The following RUBCN variants were observed in gnomAD, a reference collection of about 807,000 sequenced individuals.
RUBCN encodes rubicon autophagy regulator, also known as run domain Beclin-1-interacting and cysteine-rich domain-containing protein.
In RUBCN, 74 loss-of-function variants were observed where a neutral mutation model predicts 113.2. The ratio of observed to expected loss-of-function variants is 0.65; its 90% CI spans 0.54 to 0.79. RUBCN has a LOEUF of 0.79. Ranked by LOEUF, RUBCN falls within the 30% of genes least tolerant of loss-of-function variation. The pLI is 0.00. For missense variants in RUBCN, 1,109 were observed against 1,251.7 expected (o/e 0.89, Z 1.72); for synonymous variants, 480 against 490.0 (o/e 0.98, Z 0.27).
chr3:197,695,556 G>A (rs1036821279), intron 9 of RUBCN, among the ~76,000 whole-genome samples: 5 of 152,260 alleles, frequency 3.3e-5, no homozygotes, highest in East Asian at 1.9e-4. Flanking sequence ...AGCCATGACC[G>A]TGACACTGCA....
In RUBCN at chr3:197,701,661, C is replaced by T. The variant is rs777227637; in HGVS notation, c.727+47G>A. 2.0e-5 allele frequency: 32 copies of T among 1,586,542 alleles called. No individual in the cohort carries two copies. In the Admixed American group the frequency reaches 5.4e-4, roughly 27 times the overall value. On this transcript the variant is annotated intron_variant, in intron 6 of 19. Coordinates refer to ENST00000296343, the MANE Select transcript of RUBCN (RefSeq NM_014687.4). ...AGCAACCACAAAGTCTTCTTACTTT[C>T]CAGGGCTGGGGATAAATGTAATGAC... is the stretch of plus-strand genomic sequence containing the variant.
intron 11 of RUBCN, among the ~76,000 whole-genome samples, chr3:197,689,389 G>T (rs1722182819): frequency 6.6e-6 from 1 of 152,144 alleles, no homozygotes; most frequent in Non-Finnish European, 1.5e-5. Context: ...AACCTGTCAT[G>T]TGTATAAAAA....
intron 16 of RUBCN, among the ~76,000 whole-genome samples, chr3:197,680,367 T>G (rs1462776358): frequency 6.8e-6 from 1 of 147,308 alleles, no homozygotes; most frequent in Non-Finnish European, 1.5e-5. Flanking sequence ...AACTGACAAC[T>G]GGCTCCAGAC....
In RUBCN at chr3:197,694,325, G is replaced by T. The variant is rs371970714; in HGVS notation, c.1684+50C>A. ...CACTGGTTTGGGCACCAGGCCTTAT[G>T]CTGAAGTTGGGAAAATGTGGGAACA... On this transcript the variant is annotated intron_variant, in intron 10 of 19. Coordinates refer to ENST00000296343, the MANE Select transcript of RUBCN (RefSeq NM_014687.4). 5.2e-6 allele frequency: 8 copies of T among 1,539,960 alleles called. No individual in the cohort carries two copies. The African/African-American group carries it at 1.1e-4, about 21-fold the overall frequency.
chr3:197,677,591 G>A (rs542670997), intron 16 of RUBCN, 50 bp from the exon 17 acceptor site: 2 of 1,567,886 alleles, frequency 1.3e-6, no homozygotes, highest in East Asian at 2.2e-5. Context: ...GTGAGAAGAG[G>A]AATCCAGTGT....
chr3:197,736,336 T>A (rs574680983), intron 1 of RUBCN, among the ~76,000 whole-genome samples: 1 of 152,216 alleles, frequency 6.6e-6, no homozygotes, highest in South Asian at 2.1e-4. Flanking sequence ...AAAACCTCAC[T>A]GCACCCCTCT....
chr3:197,744,556 A>C (rs1223626293), intron 1 of RUBCN, among the ~76,000 whole-genome samples: 2 of 152,242 alleles, frequency 1.3e-5, no homozygotes, highest in African/African-American at 4.8e-5. Flanking sequence ...CTTAATGTTG[A>C]AAGACTGAAC....
chr3:197,739,415 C>A (rs1354658844), upstream of RUBCN, among the ~76,000 whole-genome samples: 2 of 145,962 alleles, frequency 1.4e-5, no homozygotes, highest in African/African-American at 5.0e-5. Context: ...AAAAAAAGGC[C>A]GGGCGTGGTG....
chr3:197,670,108 C>T lies in RUBCN; in HGVS notation c.*4910G>A, dbSNP rs752648391. Among the ~76,000 whole-genome samples, 1 of 152,136 alleles carries T rather than the reference C, an allele frequency of 6.6e-6. No homozygotes were observed. The highest frequency in any genetic ancestry group is 2.4e-5 in the African/African-American group (1 of 41,432). ...TTCACCATGTTGGCCAGGATGGTCC[C>T]AATCTCTTGACCTCGTGATCCGCCC... On this transcript the variant is annotated 3_prime_UTR_variant, in exon 20 of 20. Transcript: ENST00000296343.
Position 197,670,958 on chromosome 3 carries a change from G to A in RUBCN, c.*4060C>T, listed in dbSNP as rs1388416095. On this transcript the variant is annotated 3_prime_UTR_variant, in exon 20 of 20. Transcript: ENST00000296343. The stretch of plus-strand genomic sequence containing the variant: ...CAGAGACTTGGTGAGCACTAAGAGG[G>A]GAGGTAGAGGTGGTCACAATCCCGC... Among the ~76,000 whole-genome samples, 1 of 152,202 alleles carries A rather than the reference G, an allele frequency of 6.6e-6. No homozygotes were observed. The highest frequency in any genetic ancestry group is 1.5e-5 in the Non-Finnish European group (1 of 68,046).
rs192901649 is a variant in RUBCN, at chr3:197,719,947, T to G, written c.66-1817A>C. Among the ~76,000 whole-genome samples the G allele has an allele frequency of 7.9e-5, 12 of 152,302 alleles. No homozygotes were observed. The East Asian group carries it at 2.3e-3, about 29-fold the overall frequency. ...CCTGTGATGAGAACATTCAAAAACC[T>G]CTCTTCCAGCTATTCTGAACTACAC... On this transcript the variant is annotated intron_variant, in intron 1 of 19. Coordinates refer to ENST00000296343, the MANE Select transcript of RUBCN (RefSeq NM_014687.4).
chr3:197,741,677 G>A (rs1429954651), upstream of RUBCN, among the ~76,000 whole-genome samples: 1 of 151,726 alleles, frequency 6.6e-6, no homozygotes, highest in Non-Finnish European at 1.5e-5. Context: ...CTAAAAATTC[G>A]CCAGGCATGG....
Position 197,688,641 on chromosome 3 carries a change from T to A in RUBCN, c.1787-4424A>T, listed in dbSNP as rs569001832. On this transcript the variant is annotated intron_variant, in intron 11 of 19. Transcript: ENST00000296343. ...TTGATGCAGCTATAATAGAAGAAGATGGAGATGGGGAAAAAAATAGCAACA... is the reference window on the plus strand; with the variant it reads ...TTGATGCAGCTATAATAGAAGAAGAAGGAGATGGGGAAAAAAATAGCAACA... Among the ~76,000 whole-genome samples, 3 of 152,158 alleles carry A rather than the reference T, an allele frequency of 2.0e-5. No homozygotes were observed. In the South Asian group the frequency reaches 6.2e-4, roughly 32 times the overall value.
chr3:197,677,471 AG>A lies in RUBCN; in HGVS notation c.2492+8del. The A allele has an allele frequency of 6.2e-7, 1 of 1,613,016 alleles. No homozygotes were observed. The highest frequency in any genetic ancestry group is 8.5e-7 in the Non-Finnish European group (1 of 1,178,944). The stretch of plus-strand genomic sequence containing the variant: ...GTGGCCAGAGGGCTCTAGCTCCAAA[AG>A]GACTTACTCCTTGGCCAGTCGGCAA... On this transcript the variant is annotated splice_region_variant and intron_variant, in intron 17 of 19. Transcript: ENST00000296343.
At chr3:197,728,860 A>G (rs1358205166) in intron 1 of RUBCN, among the ~76,000 whole-genome samples, 1 of 152,208 alleles carries the variant, frequency 6.6e-6, no homozygotes, top group East Asian at 1.9e-4. Flanking sequence ...CCAGGCAAAG[A>G]GGGAGGTATT....
chr3:197,748,823 T>C (rs1728873598), intron 1 of RUBCN, among the ~76,000 whole-genome samples: 1 of 152,214 alleles, frequency 6.6e-6, no homozygotes, highest in South Asian at 2.1e-4. Flanking sequence ...AAATGTGTCA[T>C]TGGTGTTGAA....
chr3:197,707,858 G>C (rs953745411), intron 2 of RUBCN, among the ~76,000 whole-genome samples: 1 of 152,050 alleles, frequency 6.6e-6, no homozygotes, highest in Non-Finnish European at 1.5e-5. Context: ...CAGCTACTCG[G>C]GAGGCTGAGG....
intron 4 of RUBCN, among the ~76,000 whole-genome samples, 159 bp downstream of exon 4, chr3:197,704,383 G>A (rs1291633151): frequency 1.3e-5 from 2 of 152,104 alleles, no homozygotes; most frequent in Admixed American, 1.3e-4. Flanking sequence ...GCAGTGAGCC[G>A]AGATCACGCC....
At chr3:197,747,932 T>TA (rs1187354004) in intron 1 of RUBCN, among the ~76,000 whole-genome samples, 1 of 150,758 alleles carries the variant, frequency 6.6e-6, no homozygotes, top group Admixed American at 6.6e-5. Flanking sequence ...TTCTGTAGTT[T>TA]TTTTTTTTTT....
Sources: allele counts gnomAD v4.1 joint callset (sites outside exome capture counted in the v4.1 genomes callset), GRCh38; gene constraint gnomAD v4.1.1; transcripts MANE v1.5; gene names NCBI Gene and HGNC (gene_info 2026-07-23, HGNC 2026-07-21).